Variants in ICAM3 observed in about 807,000 individuals in gnomAD.
The protein encoded by ICAM3 is intercellular adhesion molecule 3.
Under a neutral mutation model 43.6 loss-of-function variants are expected in ICAM3, and 54 were observed. That is an observed-to-expected ratio of 1.24 (90% confidence interval 0.99 to 1.55). The LOEUF (loss-of-function observed/expected upper bound fraction) is 1.55, where lower values mean the gene tolerates loss of function less well. Among genes scored for constraint, ICAM3 ranks in the 40% most tolerant of loss-of-function variants. ICAM3 has a pLI of 0.00. For synonymous variants in ICAM3, 306 were observed against 312.6 expected, an observed-to-expected ratio of 0.98 and a Z score of 0.22; for missense variants, 715 against 717.9, an observed-to-expected ratio of 1.00 and a Z score of 0.05.
rs942737176 is a variant in ICAM3, at chr19:10,335,808, G to T, written c.512C>A (p.Ala171Glu). Residue 171 changes from alanine (A) to glutamate (E), a missense_variant, in exon 3 of 7, where the codon GCG becomes GAG. Transcript: ENST00000160262. ...LSRQPAVEEP[A>E]EVTATVLASR... ...GGCCAGCACAGTGGCAGTGACCTCCGCTGGCTCCTCCACTGCGGGCTGCCG... is the reference window on the plus strand; with the variant it reads ...GGCCAGCACAGTGGCAGTGACCTCCTCTGGCTCCTCCACTGCGGGCTGCCG... The T allele has an allele frequency of 6.2e-7, 1 of 1,612,440 alleles. No individual in the cohort carries two copies. The highest frequency in any genetic ancestry group is 2.2e-5 in the East Asian group (1 of 44,850).
intron 3 of ICAM3, 157 bp downstream of exon 3, chr19:10,335,514 G>C (rs1000850149): frequency 5.4e-6 from 6 of 1,103,166 alleles, no homozygotes; most frequent in Non-Finnish European, 6.3e-6. Context: ...CCCACGGCTC[G>C]GGCCTCCCTT....
rs77489484 is a variant in ICAM3, at chr19:10,334,128, C to G, written c.1441+32G>C. ...CCAACCCCCCCGCCCCCCGGCTTAC[C>G]GGTCCAGACCCGCAGCCCCGTGTTA... is the stretch of plus-strand genomic sequence containing the variant. On this transcript the variant is annotated intron_variant, in intron 6 of 6. Transcript: ENST00000160262. The surrounding 1 kb of genome is among the most constrained non-coding windows in gnomAD (Gnocchi z 5.5). 3.3e-3 allele frequency: 5,261 copies of G among 1,606,472 alleles called. 171 individuals are homozygous for G. The African/African-American group carries it at 0.064, about 19-fold the overall frequency.
intron 1 of ICAM3, 153 bp from the exon 2 acceptor site, chr19:10,339,101 C>G: frequency 1.3e-6 from 1 of 797,962 alleles, no homozygotes; most frequent in Non-Finnish European, 1.9e-6. Context: ...CATCAGAGAC[C>G]GGGGAGAACT....
In ICAM3 at chr19:10,334,863, C is replaced by T; in HGVS notation, c.938-81G>A. 6.7e-7 allele frequency: 1 copy of T among 1,498,716 alleles called. No individual in the cohort carries two copies. Among genetic ancestry groups the T allele is most frequent in the Non-Finnish European group, 8.9e-7 (1 of 1,117,964 alleles). 92.8% of individuals were successfully genotyped at this position (1,498,716 alleles called of 1,614,324 possible). ...GCCGCTCCCTCCGCCCTCCCCTTTC[C>T]TCTCGGGATATCCGGGCCACGCTTT... On this transcript the variant is annotated intron_variant, in intron 4 of 6. Coordinates refer to ENST00000160262, the MANE Select transcript of ICAM3 (RefSeq NM_002162.5). The surrounding 1 kb of genome is among the most constrained non-coding windows in gnomAD (Gnocchi z 5.5).
In ICAM3 at chr19:10,333,864, G is replaced by C; in HGVS notation, c.1637C>G (p.Ala546Gly). Reference protein sequence around the residue: ...TEAMGEEPSRAE With the variant: ...TEAMGEEPSRGE The stretch of plus-strand genomic sequence containing the variant: ...TGATCCCGGATCCCAGCGTCACTCA[G>C]CTCTGGACGGTTCTTCCCCCATTGC... Residue 546 changes from alanine to glycine, a missense_variant, in exon 7 of 7, where the codon GCT (alanine) becomes GGT (glycine). By Grantham distance (60) the Ala-to-Gly change is moderately conservative. Coordinates refer to ENST00000160262, the MANE Select transcript of ICAM3 (RefSeq NM_002162.5). This position sits in a 1 kb window ranked among gnomAD's most constrained non-coding sequence, Gnocchi z 4.2. 1 of 1,614,114 alleles carries C rather than the reference G, an allele frequency of 6.2e-7. No homozygotes were observed. Among genetic ancestry groups the C allele is most frequent in the Non-Finnish European group, 8.5e-7 (1 of 1,179,968 alleles).
Position 10,334,828 on chromosome 19 carries a change from T to G in ICAM3, c.938-46A>C, listed in dbSNP as rs753624275. The G allele has an allele frequency of 2.0e-6, 3 of 1,530,922 alleles. No individual in the cohort carries two copies. The Admixed American group carries it at 6.2e-5, about 31-fold the overall frequency. 94.8% of individuals were successfully genotyped at this position (1,530,922 alleles called of 1,614,324 possible). A position where few individuals can be genotyped will look rare whatever the true frequency, so the allele number is the denominator to read the frequency against. The stretch of plus-strand genomic sequence containing the variant: ...AGGAGCTTAATGAACAGGACCTTCC[T>G]GTGGGTCAAGCCGCTCCCTCCGCCC... On this transcript the variant is annotated intron_variant, in intron 4 of 6. Transcript: ENST00000160262. The surrounding 1 kb of genome is among the most constrained non-coding windows in gnomAD (Gnocchi z 5.5).
In ICAM3 at chr19:10,335,692, G is replaced by A; in HGVS notation, c.628C>T (p.Pro210Ser). The change falls in exon 3 of 7, where the codon CCC (proline) becomes TCC (serine). Residue 210 changes from proline to serine, a missense_variant. Physicochemically the swap from Pro to Ser is moderately conservative, Grantham distance 74 (BLOSUM62 -1). Transcript: ENST00000160262. ...TCACCAAAGGTTCGGAGCTGGCGGG[G>A]GGCTGAGGTGTTCACGAACAGTCCC... ...GLGLFVNTSAPRQLRTFVLPV... is the reference protein window; with the variant it reads ...GLGLFVNTSASRQLRTFVLPV... 1 of 1,606,488 alleles carries A rather than the reference G, an allele frequency of 6.2e-7. No individual in the cohort carries two copies. Among genetic ancestry groups the A allele is most frequent in the Non-Finnish European group, 8.5e-7 (1 of 1,176,960 alleles).
At position 10,335,941 on chromosome 19, in the gene ICAM3, G is replaced by C; in HGVS notation, c.379C>G (p.Pro127Ala). Reference protein sequence around the residue: ...PERVELAPLPPWQPVGQNFTL... With the variant: ...PERVELAPLPAWQPVGQNFTL... ...AAGTTCTGGCCCACCGGCTGCCAAG[G>C]AGGCAGGGGTGCCAGCTCCACACGC... Residue 127 changes from proline to alanine, a missense_variant, in exon 3 of 7, where the codon CCT becomes GCT. Pro to Ala is a conservative substitution (Grantham distance 27). Transcript: ENST00000160262. The C allele has an allele frequency of 1.3e-6, 2 of 1,579,112 alleles. No homozygotes were observed. Among genetic ancestry groups the C allele is most frequent in the Non-Finnish European group, 1.7e-6 (2 of 1,168,266 alleles).
Position 10,335,951 on chromosome 19 carries a change from T to C in ICAM3, c.369A>G (p.Ala123=). 2 of 1,573,026 alleles carry C rather than the reference T, an allele frequency of 1.3e-6. No individual in the cohort carries two copies. Among genetic ancestry groups the C allele is most frequent in the Non-Finnish European group, 8.6e-7 (1 of 1,165,700 alleles). The part of the protein sequence containing the change: ...VYRLPERVEL[A]PLPPWQPVGQ... ...CCACCGGCTGCCAAGGAGGCAGGGG[T>C]GCCAGCTCCACACGCTCCGGGAGCC... Residue 123 remains alanine, a synonymous_variant, in exon 3 of 7, where the codon GCA becomes GCG. Transcript: ENST00000160262.
Position 10,334,354 on chromosome 19 carries a change from T to G in ICAM3, c.1247A>C (p.Lys416Thr), listed in dbSNP as rs1471495765. 1 of 1,614,168 alleles carries G rather than the reference T, an allele frequency of 6.2e-7. No homozygotes were observed. Among genetic ancestry groups the G allele is most frequent in the South Asian group, 1.1e-5 (1 of 91,082 alleles). The stretch of plus-strand genomic sequence containing the variant: ...TTGGCACTGCAGGACGTGTCTCGTT[T>G]TATCTTTCCATTTCAAGTGCTGGGG... ...TCPQHLKWKDKTRHVLQCQAR... is the reference protein window; with the variant it reads ...TCPQHLKWKDTTRHVLQCQAR... Residue 416 changes from lysine to threonine, a missense_variant, in exon 6 of 7, where the codon AAA becomes ACA. Transcript: ENST00000160262. This position sits in a 1 kb window ranked among gnomAD's most constrained non-coding sequence, Gnocchi z 5.5.
At position 10,335,717 on chromosome 19, in the gene ICAM3, C is replaced by A. The variant is rs746178715; in HGVS notation, c.603G>T (p.Leu201=). 1 of 1,610,194 alleles carries A rather than the reference C, an allele frequency of 6.2e-7. No individual in the cohort carries two copies. Among genetic ancestry groups the A allele is most frequent in the East Asian group, 2.2e-5 (1 of 44,784 alleles). ...GGGCTGAGGTGTTCACGAACAGTCC[C>A]AGCCCCTGGGGCTGCATGTCCAGTT... ...RTELDMQPQG[L]GLFVNTSAPR... is the part of the protein sequence containing the mutation. The change falls in exon 3 of 7, where the codon CTG becomes CTT. Residue 201 remains leucine, a synonymous_variant. Coordinates refer to ENST00000160262, the MANE Select transcript of ICAM3 (RefSeq NM_002162.5).
chr19:10,334,514 G>A lies in ICAM3; in HGVS notation c.1192+14C>T, dbSNP rs2040562827. ...CAGGGGTGGAGGGATTAAAGGTCAG[G>A]GTGACCGACTCACACAGGACTCGCA... is the stretch of plus-strand genomic sequence containing the variant. On this transcript the variant is annotated intron_variant, in intron 5 of 6. Transcript: ENST00000160262. This position sits in a 1 kb window ranked among gnomAD's most constrained non-coding sequence, Gnocchi z 5.5. The A allele has an allele frequency of 6.2e-7, 1 of 1,603,262 alleles. No individual in the cohort carries two copies. Among genetic ancestry groups the A allele is most frequent in the Non-Finnish European group, 8.5e-7 (1 of 1,172,756 alleles).
Position 10,334,987 on chromosome 19 carries a change from C to A in ICAM3, c.937+79G>T. 1 of 1,542,478 alleles carries A rather than the reference C, an allele frequency of 6.5e-7. No individual in the cohort carries two copies. Among genetic ancestry groups the A allele is most frequent in the Non-Finnish European group, 8.8e-7 (1 of 1,139,516 alleles). ...TGCTATTGGGGCAAGCCAGGCCCCACCTTTTCGGCTAGTCTCCGCCCCCTC... is the reference window on the plus strand; with the variant it reads ...TGCTATTGGGGCAAGCCAGGCCCCAACTTTTCGGCTAGTCTCCGCCCCCTC... On this transcript the variant is annotated intron_variant, in intron 4 of 6. Transcript: ENST00000160262. This position sits in a 1 kb window ranked among gnomAD's most constrained non-coding sequence, Gnocchi z 5.5.
intron 1 of ICAM3, 99 bp from the exon 2 acceptor site, chr19:10,339,047 C>G (rs1312132365): frequency 3.0e-6 from 4 of 1,318,548 alleles, no homozygotes; most frequent in Non-Finnish European, 3.2e-6. Flanking sequence ...TGTGCCGAGA[C>G]AGAAGGGTTC....
chr19:10,339,000 C>T lies in ICAM3; in HGVS notation c.77-52G>A, dbSNP rs369543381. 9.9e-5 allele frequency: 158 copies of T among 1,590,322 alleles called. 1 individual carries two copies. In the African/African-American group the frequency reaches 1.8e-3, roughly 18 times the overall value. On this transcript the variant is annotated intron_variant, in intron 1 of 6. Coordinates refer to ENST00000160262, the MANE Select transcript of ICAM3 (RefSeq NM_002162.5). ...GTTTGTTTCCTTGTCCCCCAACCCA[C>T]GCATCAACAGGCCCCACCATTTAAC...
At position 10,333,938 on chromosome 19, in the gene ICAM3, A is replaced by C. The variant is rs768930045; in HGVS notation, c.1563T>G (p.Val521=). ...GGGGCAGATAGGTGCTCTCCTCCCT[A>C]ACATGGTAACTGCCGCTCCGTTGGT... is the stretch of plus-strand genomic sequence containing the variant. ...REHQRSGSYH[V]REESTYLPLT... Residue 521 remains valine, a synonymous_variant, in exon 7 of 7, where the codon GTT becomes GTG. Coordinates refer to ENST00000160262, the MANE Select transcript of ICAM3 (RefSeq NM_002162.5). This position sits in a 1 kb window ranked among gnomAD's most constrained non-coding sequence, Gnocchi z 4.2. The C allele has an allele frequency of 6.2e-7, 1 of 1,614,096 alleles. No individual in the cohort carries two copies. Among genetic ancestry groups the C allele is most frequent in the Non-Finnish European group, 8.5e-7 (1 of 1,180,022 alleles).
intron 1 of ICAM3, 192 bp downstream of exon 1, chr19:10,339,347 G>C (rs533960934): frequency 6.9e-5 from 41 of 597,298 alleles, no homozygotes; most frequent in Non-Finnish European, 1.2e-4. Flanking sequence ...GAGGGATGGC[G>C]TACAAGCCTA....
In ICAM3 at chr19:10,338,656, T is replaced by A. The variant is rs781606455; in HGVS notation, c.343+26A>T. ...TGCCCACACCACTACCCAAGACCAG[T>A]CCCACCTCCGGACACGTCGACTCAC... On this transcript the variant is annotated intron_variant, in intron 2 of 6. Coordinates refer to ENST00000160262, the MANE Select transcript of ICAM3 (RefSeq NM_002162.5). 2.4e-5 allele frequency: 39 copies of A among 1,610,816 alleles called. No homozygotes were observed. The South Asian group carries it at 4.2e-4, about 17-fold the overall frequency.
chr19:10,338,607 C>T lies in ICAM3; in HGVS notation c.343+75G>A. On this transcript the variant is annotated intron_variant, in intron 2 of 6. Coordinates refer to ENST00000160262, the MANE Select transcript of ICAM3 (RefSeq NM_002162.5). ...CCATTCTTTGCAAACTGAGGGTCCC[C>T]ACTCTCCTGAGCCATTGGCCACTTG... The T allele has an allele frequency of 2.1e-6, 3 of 1,422,664 alleles. No individual in the cohort carries two copies. The South Asian group carries it at 3.6e-5, about 17-fold the overall frequency. 88.1% of individuals were successfully genotyped at this position (1,422,664 alleles called of 1,614,324 possible). A position where few individuals can be genotyped will look rare whatever the true frequency, so the allele number is the denominator to read the frequency against.
Sources: allele counts gnomAD v4.1 joint callset, GRCh38; gene constraint gnomAD v4.1.1; non-coding constraint Gnocchi (gnomAD v3.1); transcripts MANE v1.5; gene names NCBI Gene and HGNC (gene_info 2026-07-23, HGNC 2026-07-21).